The following CLPTM1 variants were observed in gnomAD, a reference collection of about 807,000 sequenced individuals.
CLPTM1 encodes the protein putative lipid scramblase CLPTM1.
In CLPTM1, 21 loss-of-function variants were observed where a neutral mutation model predicts 77.3. That is an observed-to-expected ratio of 0.27 (90% CI 0.19 to 0.39). The LOEUF is 0.39. Ranked by LOEUF, CLPTM1 falls within the 10% of genes least tolerant of loss-of-function variation. The pLI is 1.00. For synonymous variants in CLPTM1, 373 were observed against 381.0 expected (o/e 0.98, Z 0.24); for missense variants, 642 against 921.2 (o/e 0.70, Z 3.92).
chr19:44,976,893 G>A (rs573210212), intron 4 of CLPTM1, among the ~76,000 whole-genome samples: 2 of 152,306 alleles, frequency 1.3e-5, no homozygotes, highest in East Asian at 3.9e-4. Context: ...TTATATGTGT[G>A]TTAACTCGTT....
At chr19:44,962,300 G>A (rs1458046652) in intron 2 of CLPTM1, among the ~76,000 whole-genome samples, 1 of 151,788 alleles carries the variant, frequency 6.6e-6, no homozygotes, top group Non-Finnish European at 1.5e-5. Context: ...GTTTTTGGGG[G>A]GCTACCTGAT....
chr19:44,981,129 G>C (rs539604860), intron 5 of CLPTM1, among the ~76,000 whole-genome samples: 7 of 150,136 alleles, frequency 4.7e-5, no homozygotes, highest in African/African-American at 1.7e-4. Context: ...GCATGAGCCA[G>C]CGCGCCTGGC....
rs1285819842 is a variant in CLPTM1, at chr19:44,965,356, G to C, written c.185+3281G>C. Among the ~76,000 whole-genome samples, 5 of 151,342 alleles carry C rather than the reference G, an allele frequency of 3.3e-5. No homozygotes were observed. In the East Asian group the frequency reaches 9.7e-4, roughly 29 times the overall value. ...CTACTAAAAATACAAAAATTAGCTG[G>C]GTGTGGTGGCACAAGCCTGTAGTCC... On this transcript the variant is annotated intron_variant, in intron 2 of 13. Transcript: ENST00000337392.
chr19:44,987,696 C>T, intron 8 of CLPTM1: 1 of 554,876 alleles, frequency 1.8e-6, no homozygotes. Context: ...CCTTGTGTCC[C>T]TGGCCCTGGC....
chr19:44,955,302 C>G (rs1970441555), upstream of CLPTM1: 3 of 1,201,166 alleles, frequency 2.5e-6, no homozygotes, highest in Admixed American at 3.5e-5. Flanking sequence ...GGTGGCCCGG[C>G]GGGGCTAGGA....
chr19:44,985,150 T>C, intron 5 of CLPTM1, 68 bp from the exon 6 acceptor site: 1 of 1,127,254 alleles, frequency 8.9e-7, no homozygotes, highest in East Asian at 2.4e-5. Flanking sequence ...TGGGCAGGGG[T>C]CCGGGCTCTG....
intron 4 of CLPTM1, among the ~76,000 whole-genome samples, chr19:44,975,251 G>A (rs1373870683): frequency 6.6e-6 from 1 of 152,326 alleles, no homozygotes; most frequent in Middle Eastern, 3.4e-3. Flanking sequence ...CCCCATCCCA[G>A]CCCATTCTGG....
chr19:44,972,715 G>A (rs903251164), intron 2 of CLPTM1, among the ~76,000 whole-genome samples: 4 of 150,776 alleles, frequency 2.7e-5, no homozygotes, highest in Non-Finnish European at 4.4e-5. Context: ...CAGATTCTTA[G>A]TCTCCTCTCG....
At position 44,973,274 on chromosome 19, in the gene CLPTM1, G is replaced by A. The variant is rs1970751513; in HGVS notation, c.309+64G>A. 11 of 1,608,684 alleles carry A rather than the reference G, an allele frequency of 6.8e-6. No individual in the cohort carries two copies. The African/African-American group carries it at 9.3e-5, about 14-fold the overall frequency. On this transcript the variant is annotated intron_variant, in intron 3 of 13. Transcript: ENST00000337392. ...GGGTGTGGAGGGGTGGAATGTGGAG[G>A]AGTGATGTCAGCAGTCGGGACAGAC...
chr19:44,989,600 G>A (rs1247962423), intron 9 of CLPTM1, among the ~76,000 whole-genome samples: 1 of 152,062 alleles, frequency 6.6e-6, no homozygotes, highest in African/African-American at 2.4e-5. Context: ...GCTCTGGGAT[G>A]GGGTAGGGTG....
intron 9 of CLPTM1, 57 bp downstream of exon 9, chr19:44,988,230 G>A (rs1239809892): frequency 4.8e-5 from 61 of 1,259,828 alleles, no homozygotes; most frequent in Non-Finnish European, 7.1e-5. Context: ...GACAGGACCT[G>A]CCCCCTTCCT....
chr19:44,983,060 C>CAAA (rs36001989), intron 5 of CLPTM1, among the ~76,000 whole-genome samples: 1 of 111,834 alleles, frequency 8.9e-6, no homozygotes, highest in African/African-American at 3.4e-5. Flanking sequence ...GACTCCATCT[C>CAAA]AAAAAAAAAA....
rs1192867798 is a variant in CLPTM1, at chr19:44,992,647, T to C, written c.1760T>C (p.Ile587Thr). 1 of 1,613,730 alleles carries C rather than the reference T, an allele frequency of 6.2e-7. No individual in the cohort carries two copies. Residue 587 changes from isoleucine to threonine, a missense_variant, in exon 14 of 14, where the codon ATC (isoleucine) becomes ACC (threonine). Coordinates refer to ENST00000337392, the MANE Select transcript of CLPTM1 (RefSeq NM_001294.4). The surrounding 1 kb of genome is among the most constrained non-coding windows in gnomAD (Gnocchi z 7.7). ...TTCATCTACCTCTACCAACGGTGGA[T>C]CTACCGCGTCGACCCCACCCGAGTC... ...VFFIYLYQRWIYRVDPTRVNE... is the reference protein window; with the variant it reads ...VFFIYLYQRWTYRVDPTRVNE...
chr19:44,985,130 C>T, intron 5 of CLPTM1, 88 bp from the exon 6 acceptor site: 1 of 851,316 alleles, frequency 1.2e-6, no homozygotes, highest in Non-Finnish European at 2.0e-6. Context: ...AGACCGTGAG[C>T]CGTTGCTGGT....
At chr19:44,987,992 A>C in intron 8 of CLPTM1, 88 bp from the exon 9 acceptor site, 1 of 954,552 alleles carries the variant, frequency 1.0e-6, no homozygotes, top group Non-Finnish European at 1.7e-6. Context: ...CTCCCTCTAC[A>C]GGCGGCCCCA....
chr19:44,958,553 G>C lies in CLPTM1; in HGVS notation c.72+3086G>C, dbSNP rs956389250. Among the ~76,000 whole-genome samples the C allele has an allele frequency of 2.0e-5, 3 of 152,230 alleles. No individual in the cohort carries two copies. The East Asian group carries it at 5.8e-4, about 29-fold the overall frequency. ...CACCCAGCTAATTTTTGTATTTTTAGTAGAGACAGGGTTTCACCAGGTTGG... is the reference window on the plus strand; with the variant it reads ...CACCCAGCTAATTTTTGTATTTTTACTAGAGACAGGGTTTCACCAGGTTGG... On this transcript the variant is annotated intron_variant, in intron 1 of 13. Transcript: ENST00000337392.
intron 1 of CLPTM1, among the ~76,000 whole-genome samples, chr19:44,956,194 C>T (rs1970461648): frequency 6.6e-6 from 1 of 152,108 alleles, no homozygotes; most frequent in African/African-American, 2.4e-5. Flanking sequence ...TGCTGTCGAC[C>T]CACCCACTGG....
At chr19:44,981,664 G>A (rs934646852) in intron 5 of CLPTM1, among the ~76,000 whole-genome samples, 3 of 151,720 alleles carry the variant, frequency 2.0e-5, no homozygotes, top group Admixed American at 1.3e-4. Flanking sequence ...TGTAATCCCA[G>A]CACTTTGGGA....
At chr19:44,987,088 G>C in intron 7 of CLPTM1, 91 bp from the exon 8 acceptor site, 1 of 1,464,896 alleles carries the variant, frequency 6.8e-7, no homozygotes, top group South Asian at 1.3e-5. Flanking sequence ...TCTGTAGAGG[G>C]GCCCTGTTGG....
Sources: gnomAD v4.1 joint callset for allele counts (sites outside exome capture counted in the v4.1 genomes callset) on GRCh38, gnomAD v4.1.1 for gene constraint, Gnocchi (gnomAD v3.1) non-coding constraint, MANE v1.5 for transcripts, NCBI Gene and HGNC (gene_info 2026-07-23, HGNC 2026-07-21) for gene names.